The following UQCRC2 variants were observed in gnomAD, a reference collection of about 807,000 sequenced individuals.
UQCRC2 encodes ubiquinol-cytochrome c reductase core protein 2, also known as cytochrome b-c1 complex subunit 2, mitochondrial.
In UQCRC2, 49 loss-of-function variants were observed where a neutral mutation model predicts 55.6. The observed-to-expected ratio is 0.88, with a 90% CI of 0.70 to 1.12. UQCRC2 has a LOEUF of 1.12. Among genes scored for constraint, UQCRC2 ranks in the 50% most tolerant of loss-of-function variants. The pLI, the probability that UQCRC2 is intolerant of heterozygous loss-of-function variation, is 0.00. For missense variants in UQCRC2, 506 were observed against 547.8 expected (o/e 0.92, Z 0.76); for synonymous variants, 193 against 192.0 (o/e 1.01, Z -0.04).
chr16:21,973,786 CT>C, intron 10 of UQCRC2, 109 bp from the exon 11 acceptor site: 1 of 862,554 alleles, frequency 1.2e-6, no homozygotes, highest in Non-Finnish European at 1.8e-6. Flanking sequence ...AAATATTAAT[CT>C]ATTTTGTTTA....
At chr16:21,962,412 T>C in intron 4 of UQCRC2, 48 bp from the exon 5 acceptor site, 1 of 1,606,798 alleles carries the variant, frequency 6.2e-7, no homozygotes, top group South Asian at 1.1e-5. Context: ...AAGGGAAAGC[T>C]TACTATCCTG....
chr16:21,954,261 G>C (rs1898056615), intron 1 of UQCRC2, among the ~76,000 whole-genome samples: 1 of 152,160 alleles, frequency 6.6e-6, no homozygotes, highest in Non-Finnish European at 1.5e-5. Flanking sequence ...AGAGGCCAGG[G>C]ATGCTGCTAA....
intron 8 of UQCRC2, 144 bp from the exon 9 acceptor site, chr16:21,971,379 GGA>G: frequency 1.6e-6 from 1 of 636,410 alleles, no homozygotes; most frequent in Non-Finnish European, 2.7e-6. Flanking sequence ...GGTATCTCTG[GGA>G]GAGTGGCATT....
chr16:21,960,395 G>C (rs1203434478), intron 4 of UQCRC2, among the ~76,000 whole-genome samples: 1 of 152,186 alleles, frequency 6.6e-6, no homozygotes, highest in Non-Finnish European at 1.5e-5. Context: ...TATAATTGAA[G>C]AGAGTTAGGG....
intron 13 of UQCRC2, among the ~76,000 whole-genome samples, chr16:21,981,213 A>AT (rs940077117): frequency 4.0e-5 from 6 of 151,240 alleles, no homozygotes; most frequent in South Asian, 2.1e-4. Context: ...GTTCTTGCTA[A>AT]TTTTTTTTTC....
At chr16:21,981,706 C>T (rs992443455) in intron 13 of UQCRC2, among the ~76,000 whole-genome samples, 18 of 151,648 alleles carry the variant, frequency 1.2e-4, no homozygotes, top group African/African-American at 4.4e-4. Flanking sequence ...GAGGTTGCAG[C>T]GAGCCGAGAT....
intron 12 of UQCRC2, chr16:21,976,758 T>A (rs934424727): frequency 2.6e-5 from 4 of 152,240 alleles, no homozygotes; most frequent in African/African-American, 9.7e-5. Context: ...TATACTTTTT[T>A]ATCTTATTTA....
At chr16:21,955,330 C>G (rs1898070777) in intron 1 of UQCRC2, among the ~76,000 whole-genome samples, 2 of 152,094 alleles carry the variant, frequency 1.3e-5, no homozygotes, top group African/African-American at 2.4e-5. Flanking sequence ...AAGTGATAAC[C>G]AGCAGCCAAC....
intron 12 of UQCRC2, among the ~76,000 whole-genome samples, chr16:21,980,060 G>A (rs1042003878): frequency 6.6e-6 from 1 of 152,182 alleles, no homozygotes; most frequent in Non-Finnish European, 1.5e-5. Flanking sequence ...TATGATGTTC[G>A]ATACGTTAGG....
chr16:21,955,621 C>T lies in UQCRC2; in HGVS notation c.34-1614C>T, dbSNP rs548981057. On this transcript the variant is annotated intron_variant, in intron 1 of 13. Coordinates refer to ENST00000268379, the MANE Select transcript of UQCRC2 (RefSeq NM_003366.4). The stretch of plus-strand genomic sequence containing the variant: ...TCTAATATTTAATGGGACCCTTTCA[C>T]CCTACCAGTAACTGCATTTTATATA... 9.2e-5 allele frequency among the ~76,000 whole-genome samples: 14 copies of T among 152,294 alleles called. No homozygotes were observed. The South Asian group carries it at 2.1e-3, about 23-fold the overall frequency.
chr16:21,953,370 C>A lies in UQCRC2; in HGVS notation c.-54C>A. On this transcript the variant is annotated 5_prime_UTR_variant, in exon 1 of 14. Transcript: ENST00000268379. ...CTGGGAAACTCCCGGCCTCCGCCAC[C>A]ATCTTGCTTTCCTTTAATCCGGCAG... 1.2e-6 allele frequency: 2 copies of A among 1,602,570 alleles called. No homozygotes were observed. Among genetic ancestry groups the A allele is most frequent in the Non-Finnish European group, 1.7e-6 (2 of 1,174,546 alleles).
At position 21,973,886 on chromosome 16, in the gene UQCRC2, T is replaced by C. The variant is rs1305431735; in HGVS notation, c.967-10T>C. ...AGAATATCATACAGTAAAGTCTCAT[T>C]ATCTTTCAGGTTTCTGCATTTAATG... On this transcript the variant is annotated splice_polypyrimidine_tract_variant and intron_variant, in intron 10 of 13. Transcript: ENST00000268379. 1 of 1,612,102 alleles carries C rather than the reference T, an allele frequency of 6.2e-7. No individual in the cohort carries two copies. The highest frequency in any genetic ancestry group is 1.7e-5 in the Admixed American group (1 of 59,644).
At chr16:21,953,496 A>C in intron 1 of UQCRC2, 40 bp downstream of exon 1, 1 of 1,607,394 alleles carries the variant, frequency 6.2e-7, no homozygotes, top group South Asian at 1.1e-5. Flanking sequence ...GCTGGGGAGC[A>C]GTGTGTCGAC....
chr16:21,978,356 A>T (rs557705831), intron 12 of UQCRC2, among the ~76,000 whole-genome samples: 1 of 152,298 alleles, frequency 6.6e-6, no homozygotes, highest in South Asian at 2.1e-4. Flanking sequence ...AGGATGATAA[A>T]CGTTTGAGGT....
chr16:21,962,526 T>C lies in UQCRC2; in HGVS notation c.389+10T>C. ...GCCTGCGGGGTGATGTGTAAGTACC[T>C]GTGTGTGTTTAGGACTTCTGCTTTG... On this transcript the variant is annotated intron_variant, in intron 5 of 13. Transcript: ENST00000268379. 1 of 1,614,172 alleles carries C rather than the reference T, an allele frequency of 6.2e-7. No individual in the cohort carries two copies. Among genetic ancestry groups the C allele is most frequent in the Non-Finnish European group, 8.5e-7 (1 of 1,180,006 alleles).
intron 12 of UQCRC2, 127 bp downstream of exon 12, chr16:21,976,370 ACATACCC>A (rs781692705): frequency 1.2e-5 from 9 of 777,172 alleles, no homozygotes; most frequent in Non-Finnish European, 1.9e-5. Flanking sequence ...AAAAAGGGAA[ACATACCC>A]ATATCCTACC....
chr16:21,961,368 A>G (rs1898194054), intron 4 of UQCRC2: 1 of 440,502 alleles, frequency 2.3e-6, no homozygotes. Flanking sequence ...TGAGACCACT[A>G]TACAGCCATT....
At chr16:21,981,628 G>A (rs1326743407) in intron 13 of UQCRC2, among the ~76,000 whole-genome samples, 3 of 151,702 alleles carry the variant, frequency 2.0e-5, no homozygotes, top group East Asian at 2.0e-4. Flanking sequence ...GGTGGCATGC[G>A]CCTGTAGTCC....
Position 21,970,825 on chromosome 16 carries a change from A to T in UQCRC2, c.671-700A>T, listed in dbSNP as rs143545722. ...GGTCTCGAACTCCTGAGCTCAGGTGATCCACTTGCCTCGGCCTCCCAAACT... is the reference window on the plus strand; with the variant it reads ...GGTCTCGAACTCCTGAGCTCAGGTGTTCCACTTGCCTCGGCCTCCCAAACT... On this transcript the variant is annotated intron_variant, in intron 8 of 13. Coordinates refer to ENST00000268379, the MANE Select transcript of UQCRC2 (RefSeq NM_003366.4). Among the ~76,000 whole-genome samples the T allele has an allele frequency of 3.7e-3, 558 of 152,186 alleles. 24 individuals carry two copies. The South Asian group carries it at 0.092, about 25-fold the overall frequency.
Sources: allele counts gnomAD v4.1 joint callset (sites outside exome capture counted in the v4.1 genomes callset), GRCh38; gene constraint gnomAD v4.1.1; transcripts MANE v1.5; gene names NCBI Gene and HGNC (gene_info 2026-07-23, HGNC 2026-07-21).